Variants in ZNF385D observed in about 807,000 individuals in gnomAD.
ZNF385D encodes the protein zinc finger protein 385D.
ZNF385D carries 15 observed loss-of-function variants against 35.8 expected under a neutral mutation model. The observed-to-expected ratio is 0.42, with a 90% CI of 0.28 to 0.64. The LOEUF (loss-of-function observed/expected upper bound fraction) is 0.64. Among genes scored for constraint, ZNF385D ranks in the 30% least tolerant of loss-of-function variants. ZNF385D has a pLI of 0.23. For missense variants in ZNF385D, 474 were observed against 494.6 expected (o/e 0.96, Z 0.39); for synonymous variants, 212 against 186.8 (o/e 1.13, Z -1.10).
intron 2 of ZNF385D, among the ~76,000 whole-genome samples, chr3:22,188,133 T>A (rs975125377): frequency 1.3e-5 from 2 of 152,130 alleles, no homozygotes; most frequent in Non-Finnish European, 2.9e-5. Context: ...AACCTAATTT[T>A]CAAAGTTTAT....
chr3:21,573,480 G>A (rs998201148), intron 2 of ZNF385D, among the ~76,000 whole-genome samples: 4 of 152,102 alleles, frequency 2.6e-5, no homozygotes, highest in Admixed American at 2.6e-4. Context: ...TAAACCTAAC[G>A]TATGACTTAA....
intron 3 of ZNF385D, among the ~76,000 whole-genome samples, chr3:21,533,593 T>C (rs1446634981): frequency 2.0e-5 from 3 of 152,098 alleles, no homozygotes; most frequent in Non-Finnish European, 4.4e-5. Flanking sequence ...AGCAATTCAA[T>C]AGATACCATT....
intron 3 of ZNF385D, among the ~76,000 whole-genome samples, chr3:21,531,489 C>A (rs1329816774): frequency 6.6e-6 from 1 of 151,944 alleles, no homozygotes; most frequent in Non-Finnish European, 1.5e-5. Flanking sequence ...TCACATGTGC[C>A]AAAAATGAGA....
At chr3:21,790,986 G>A (rs1340744230) in intron 3 of ZNF385D, among the ~76,000 whole-genome samples, 3 of 152,074 alleles carry the variant, frequency 2.0e-5, no homozygotes, top group Non-Finnish European at 2.9e-5. Context: ...AAACCAATGC[G>A]AAGAAATACA....
At chr3:21,976,552 GA>G (rs1376293653) in intron 3 of ZNF385D, among the ~76,000 whole-genome samples, 10 of 152,212 alleles carry the variant, frequency 6.6e-5, no homozygotes, top group African/African-American at 2.2e-4. Context: ...AAGAGTACAG[GA>G]GACATATGTA....
At chr3:22,268,104 A>G (rs1700987585) in intron 2 of ZNF385D, among the ~76,000 whole-genome samples, 2 of 151,946 alleles carry the variant, frequency 1.3e-5, no homozygotes, top group Non-Finnish European at 2.9e-5. Flanking sequence ...TAATTGTAAC[A>G]AAAATTGATT....
intron 2 of ZNF385D, among the ~76,000 whole-genome samples, chr3:22,280,896 TATG>T (rs915368756): frequency 1.7e-4 from 26 of 151,998 alleles, no homozygotes; most frequent in Admixed American, 1.5e-3. Flanking sequence ...TTGTGTTTTC[TATG>T]ATTTCTTTCA....
chr3:22,044,200 G>A (rs1698847015), intron 3 of ZNF385D, among the ~76,000 whole-genome samples: 1 of 151,850 alleles, frequency 6.6e-6, no homozygotes, highest in South Asian at 2.1e-4. Flanking sequence ...AAGATGAATT[G>A]GCACCAGTGA....
intron 3 of ZNF385D, among the ~76,000 whole-genome samples, chr3:21,878,797 ATT>A (rs1698117482): frequency 6.6e-6 from 1 of 152,106 alleles, no homozygotes; most frequent in African/African-American, 2.4e-5. Context: ...GTCATATAGC[ATT>A]TTGTTACTAA....
intron 3 of ZNF385D, 75 bp downstream of exon 3, chr3:21,564,499 A>C (rs2063071090): frequency 1.1e-6 from 1 of 896,544 alleles, no homozygotes; most frequent in South Asian, 2.3e-5. Flanking sequence ...TGTCTTAAGA[A>C]ATCTTTTCTC....
chr3:21,442,937 C>G (rs1346339248), intron 4 of ZNF385D, among the ~76,000 whole-genome samples: 3 of 149,542 alleles, frequency 2.0e-5, no homozygotes, highest in Admixed American at 2.0e-4. Flanking sequence ...GAAGATATCA[C>G]AACTTCTATC....
At chr3:21,579,513 A>G (rs2063589999) in intron 2 of ZNF385D, 2 of 152,260 alleles carry the variant, frequency 1.3e-5, no homozygotes, top group South Asian at 4.2e-4. Context: ...TATTAAAGGG[A>G]GGGATTTATT....
chr3:22,042,028 G>T (rs1698694949), intron 3 of ZNF385D, among the ~76,000 whole-genome samples: 1 of 152,132 alleles, frequency 6.6e-6, no homozygotes, highest in South Asian at 2.1e-4. Context: ...TTTAATAGGA[G>T]AAACATAGTG....
intron 4 of ZNF385D, among the ~76,000 whole-genome samples, chr3:21,475,173 C>T (rs778209032): frequency 1.4e-4 from 21 of 151,944 alleles, no homozygotes; most frequent in Non-Finnish European, 2.2e-4. Flanking sequence ...TTATGTTATA[C>T]AGTGTATTAG....
intron 2 of ZNF385D, among the ~76,000 whole-genome samples, chr3:21,663,710 T>C (rs1402393162): frequency 2.0e-5 from 3 of 151,490 alleles, no homozygotes; most frequent in Non-Finnish European, 4.4e-5. Flanking sequence ...GAGATTCGTA[T>C]GGAAAATTCC....
At chr3:22,083,606 T>C (rs1464099721) in intron 3 of ZNF385D, among the ~76,000 whole-genome samples, 1 of 152,230 alleles carries the variant, frequency 6.6e-6, no homozygotes, top group East Asian at 1.9e-4. Context: ...CTATGTCTGA[T>C]TGGTGTACCT....
chr3:21,817,299 A>G (rs1006201400), intron 3 of ZNF385D, among the ~76,000 whole-genome samples: 1 of 152,226 alleles, frequency 6.6e-6, no homozygotes, highest in South Asian at 2.1e-4. Flanking sequence ...CTATAACACC[A>G]AAAGCAATGG....
intron 2 of ZNF385D, among the ~76,000 whole-genome samples, chr3:22,353,741 A>G (rs1696021730): frequency 6.6e-6 from 1 of 152,128 alleles, no homozygotes; most frequent in Non-Finnish European, 1.5e-5. Flanking sequence ...TCCTTTAACT[A>G]GAGCAATCTT....
At chr3:21,926,030 G>A (rs754030645) in intron 3 of ZNF385D, among the ~76,000 whole-genome samples, 26 of 151,992 alleles carry the variant, frequency 1.7e-4, no homozygotes, top group Non-Finnish European at 2.5e-4. Flanking sequence ...GTGGATAGTC[G>A]GAATGTAAAA....
Sources: gnomAD v4.1 joint callset for allele counts (sites outside exome capture counted in the v4.1 genomes callset) on GRCh38, gnomAD v4.1.1 for gene constraint, MANE v1.5 for transcripts, NCBI Gene and HGNC (gene_info 2026-07-23, HGNC 2026-07-21) for gene names.